ETV6: variants seen among roughly 807,000 people sequenced by gnomAD.
ETV6 encodes the protein ETS variant transcription factor 6, also known as transcription factor ETV6.
Under a neutral mutation model 51.1 loss-of-function variants are expected in ETV6, and 16 were observed. The observed-to-expected ratio is 0.31, with a 90% CI of 0.21 to 0.48. ETV6 has a LOEUF of 0.48. ETV6 is among the 20% of genes least tolerant of loss of function. The probability of loss-of-function intolerance (pLI) is 0.99; values close to 1 mark genes in which losing one functional copy is unlikely to be tolerated. For synonymous variants in ETV6, 240 were observed against 224.1 expected (o/e 1.07, Z -0.64); for missense variants, 458 against 594.8 (o/e 0.77, Z 2.39).
chr12:11,762,622 A>G (rs1945104458), intron 2 of ETV6, among the ~76,000 whole-genome samples: 1 of 152,214 alleles, frequency 6.6e-6, no homozygotes, highest in South Asian at 2.1e-4. Flanking sequence ...GAAGGCTTTG[A>G]TGCTGAGCTT....
chr12:11,818,007 A>G (rs1192686630), intron 2 of ETV6, among the ~76,000 whole-genome samples: 2 of 152,200 alleles, frequency 1.3e-5, no homozygotes, highest in African/African-American at 4.8e-5. Flanking sequence ...AGCATGTTGC[A>G]GACAGACGAA....
At chr12:11,811,267 A>C (rs1312521387) in intron 2 of ETV6, among the ~76,000 whole-genome samples, 1 of 152,232 alleles carries the variant, frequency 6.6e-6, no homozygotes, top group Non-Finnish European at 1.5e-5. Context: ...CTGTTTATAT[A>C]AAGCTTGGCA....
rs1865857347 is a variant in ETV6 at position 11,743,869 on chromosome 12, A to G, written c.34-8581A>G. ...GGACACAAAAAAGAGCAAAGCCCTC[A>G]GTGATGCTGTGGCACAAAGAAGAAA... On this transcript the variant is annotated intron_variant, in intron 1 of 7. Coordinates refer to ENST00000396373, the MANE Select transcript of ETV6 (RefSeq NM_001987.5). Among the ~76,000 whole-genome samples, 7 of 152,324 alleles carry G rather than the reference A, an allele frequency of 4.6e-5. No individual in the cohort carries two copies. The South Asian group carries it at 1.5e-3, about 32-fold the overall frequency.
intron 4 of ETV6, among the ~76,000 whole-genome samples, chr12:11,855,163 G>A (rs910573641): frequency 7.4e-5 from 11 of 149,646 alleles, no homozygotes; most frequent in African/African-American, 1.2e-4. Context: ...AAAATTAGCC[G>A]GGCATGGTGG....
rs544829769 is a variant in ETV6, at chr12:11,664,760, C to A, written c.33+14600C>A. ...CAGTCTGGTGCATACTCGTCTTTCTCCTCCATACCGGCTGTCACTGCCTTC... is the reference window on the plus strand; with the variant it reads ...CAGTCTGGTGCATACTCGTCTTTCTACTCCATACCGGCTGTCACTGCCTTC... On this transcript the variant is annotated intron_variant, in intron 1 of 7. Coordinates refer to ENST00000396373, the MANE Select transcript of ETV6 (RefSeq NM_001987.5). Among the ~76,000 whole-genome samples, 4 of 152,302 alleles carry A rather than the reference C, an allele frequency of 2.6e-5. No individual in the cohort carries two copies. The South Asian group carries it at 8.3e-4, about 32-fold the overall frequency.
intron 4 of ETV6, among the ~76,000 whole-genome samples, chr12:11,857,213 G>A (rs1946644543): frequency 6.6e-6 from 1 of 152,210 alleles, no homozygotes; most frequent in Non-Finnish European, 1.5e-5. Flanking sequence ...TCTAGCACCA[G>A]TTCCCCACAT....
In ETV6 at chr12:11,735,088, T is replaced by TTC. The variant is rs1246936934; in HGVS notation, c.34-17361_34-17360insCT. On this transcript the variant is annotated intron_variant, in intron 1 of 7. Transcript: ENST00000396373. ...AGGTGCAAAGGTGGCAAGGTGGCCTTTTTTTTTTTTTTTTTTTTTTTTTTA... is the reference window on the plus strand; with the variant it reads ...AGGTGCAAAGGTGGCAAGGTGGCCTTTCTTTTTTTTTTTTTTTTTTTTTTTTA... 3.2e-3 allele frequency among the ~76,000 whole-genome samples: 397 copies of TTC among 122,456 alleles called. 7 individuals are homozygous for TTC. Among genetic ancestry groups the TTC allele is most frequent in the African/African-American group, 0.014 (378 of 27,650 alleles). 80.3% of individuals were successfully genotyped at this position (122,456 alleles called of 152,430 possible).
At chr12:11,693,256 G>A (rs1006659337) in intron 1 of ETV6, among the ~76,000 whole-genome samples, 4 of 152,134 alleles carry the variant, frequency 2.6e-5, no homozygotes, top group East Asian at 3.8e-4. Context: ...CACGCAGGCC[G>A]TGGCAAGTGG....
At chr12:11,775,205 G>A (rs927874094) in intron 2 of ETV6, among the ~76,000 whole-genome samples, 47 of 152,338 alleles carry the variant, frequency 3.1e-4, no homozygotes, top group African/African-American at 7.7e-4. Context: ...GGGTAAAGCC[G>A]ATGTCCCTAG....
intron 2 of ETV6, among the ~76,000 whole-genome samples, chr12:11,763,418 C>T (rs932791519): frequency 3.3e-5 from 5 of 152,164 alleles, no homozygotes; most frequent in Non-Finnish European, 7.3e-5. Context: ...AGGTTTTCTT[C>T]ACTTGAGACT....
rs115513761 is a variant in ETV6 at position 11,820,694 on chromosome 12, G to A, written c.164-18446G>A. Among the ~76,000 whole-genome samples the A allele has an allele frequency of 1.0e-3, 159 of 152,282 alleles. 1 individual carries two copies. Among genetic ancestry groups the A allele is most frequent in the African/African-American group, 3.8e-3 (156 of 41,544 alleles). ...GGAGGGAAAGGATGATGGCAGGAAA[G>A]GATGGTGGGAGCTGGGTACAGACAG... On this transcript the variant is annotated intron_variant, in intron 2 of 7. Coordinates refer to ENST00000396373, the MANE Select transcript of ETV6 (RefSeq NM_001987.5).
In ETV6 at chr12:11,891,095, C is replaced by A. The variant is rs1269554737; in HGVS notation, c.*49C>A. On this transcript the variant is annotated 3_prime_UTR_variant, in exon 8 of 8. Transcript: ENST00000396373. Reference sequence around the variant, plus strand: ...GGGCCAGCAGCCCAGGGAACCCCTGCCCACCAGGATTGCTGGAAGTGTGAC... The same window carrying A: ...GGGCCAGCAGCCCAGGGAACCCCTGACCACCAGGATTGCTGGAAGTGTGAC... The A allele has an allele frequency of 1.4e-6, 2 of 1,451,012 alleles. No homozygotes were observed. Among genetic ancestry groups the A allele is most frequent in the South Asian group, 2.3e-5 (2 of 87,570 alleles). 89.9% of individuals were successfully genotyped at this position (1,451,012 alleles called of 1,614,324 possible). A position where few individuals can be genotyped will look rare whatever the true frequency, so the allele number is the denominator to read the frequency against.
chr12:11,704,787 G>A (rs929616537), intron 1 of ETV6, among the ~76,000 whole-genome samples: 4 of 152,280 alleles, frequency 2.6e-5, no homozygotes, highest in Middle Eastern at 3.4e-3. Context: ...GTGTGTGTGT[G>A]TGTGTGTGTG....
intron 1 of ETV6, among the ~76,000 whole-genome samples, chr12:11,714,777 G>T (rs963834409): frequency 1.3e-5 from 2 of 152,168 alleles, no homozygotes; most frequent in Non-Finnish European, 2.9e-5. Flanking sequence ...TCCTGGTGAG[G>T]AGGGCAGGGG....
At chr12:11,671,043 C>T (rs1476918388) in intron 1 of ETV6, among the ~76,000 whole-genome samples, 1 of 152,142 alleles carries the variant, frequency 6.6e-6, no homozygotes, top group Non-Finnish European at 1.5e-5. Context: ...CTTAAAGGTT[C>T]CTGGGGCTTT....
At chr12:11,750,338 T>C (rs907513483) in intron 1 of ETV6, among the ~76,000 whole-genome samples, 1 of 152,156 alleles carries the variant, frequency 6.6e-6, no homozygotes, top group African/African-American at 2.4e-5. Context: ...TCCTAAGAAA[T>C]GAAGTCCAGT....
intron 1 of ETV6, among the ~76,000 whole-genome samples, chr12:11,660,872 A>G (rs1864088809): frequency 2.6e-5 from 4 of 152,148 alleles, no homozygotes; most frequent in Admixed American, 2.0e-4. Context: ...CAGGCACCCA[A>G]AGGGACAGAG....
At chr12:11,888,934 C>T (rs1314266679) in intron 7 of ETV6, among the ~76,000 whole-genome samples, 1 of 152,098 alleles carries the variant, frequency 6.6e-6, no homozygotes, top group Non-Finnish European at 1.5e-5. Flanking sequence ...TAGGGATGCT[C>T]AGCCTGTAGT....
At chr12:11,881,515 G>A (rs1012990482) in intron 5 of ETV6, among the ~76,000 whole-genome samples, 2 of 152,182 alleles carry the variant, frequency 1.3e-5, no homozygotes, top group African/African-American at 4.8e-5. Context: ...TCTGGTGAGG[G>A]CCCACTTTCT....
Sources: gnomAD v4.1 joint callset for allele counts (sites outside exome capture counted in the v4.1 genomes callset) on GRCh38, gnomAD v4.1.1 for gene constraint, MANE v1.5 for transcripts, NCBI Gene and HGNC (gene_info 2026-07-23, HGNC 2026-07-21) for gene names.